The following TACC1 variants were observed in gnomAD, a reference collection of about 807,000 sequenced individuals.
TACC1 encodes transforming acidic coiled-coil containing protein 1.
Under a neutral mutation model 84.4 loss-of-function variants are expected in TACC1, and 48 were observed. The ratio of observed to expected loss-of-function variants is 0.57; its 90% CI spans 0.45 to 0.72. The LOEUF (loss-of-function observed/expected upper bound fraction) is 0.72, where lower values mean the gene tolerates loss of function less well. TACC1 is among the 30% of genes least tolerant of loss of function. The pLI is 0.00. For synonymous variants in TACC1, 372 were observed against 376.3 expected, an observed-to-expected ratio of 0.99 and a Z score of 0.13; for missense variants, 920 against 973.0, an observed-to-expected ratio of 0.95 and a Z score of 0.72.
At chr8:38,818,699 T>C (rs1825981248) in intron 2 of TACC1, among the ~76,000 whole-genome samples, 1 of 152,190 alleles carries the variant, frequency 6.6e-6, no homozygotes, top group African/African-American at 2.4e-5. Flanking sequence ...TACAGAGAGA[T>C]GATTCTGAGC....
chr8:38,815,067 TTTC>T (rs1213656827), intron 2 of TACC1, among the ~76,000 whole-genome samples: 4 of 152,226 alleles, frequency 2.6e-5, no homozygotes, highest in Non-Finnish European at 5.9e-5. Flanking sequence ...CTCCGGACCA[TTTC>T]TTGCTTGTCA....
At chr8:38,761,992 G>A (rs777527312) in intron 3 of TACC1, among the ~76,000 whole-genome samples, 21 of 152,116 alleles carry the variant, frequency 1.4e-4, no homozygotes, top group Non-Finnish European at 2.8e-4. Flanking sequence ...GCATGACAAG[G>A]GAATTATTTG....
intron 1 of TACC1, among the ~76,000 whole-genome samples, chr8:38,739,720 C>T (rs1240671961): frequency 6.6e-6 from 1 of 152,184 alleles, no homozygotes; most frequent in East Asian, 1.9e-4. Flanking sequence ...TCCACCATTA[C>T]AGTATCATAT....
In TACC1 at chr8:38,842,693, A is replaced by G. The variant is rs900981921; in HGVS notation, c.2121+246A>G. Reference sequence around the variant, plus strand: ...GCCATTCCTCTCCTGTGTCAAGCCAATAAGCCCCAGGCTGTGGCGTAGACT... The same window carrying G: ...GCCATTCCTCTCCTGTGTCAAGCCAGTAAGCCCCAGGCTGTGGCGTAGACT... On this transcript the variant is annotated intron_variant, in intron 10 of 12. Transcript: ENST00000317827. Among the ~76,000 whole-genome samples, 9 of 152,240 alleles carry G rather than the reference A, an allele frequency of 5.9e-5. No individual in the cohort carries two copies. Among genetic ancestry groups the G allele is most frequent in the Admixed American group, 2.0e-4 (3 of 15,290 alleles).
intron 9 of TACC1, among the ~76,000 whole-genome samples, chr8:38,840,838 T>C (rs937272718): frequency 1.3e-5 from 2 of 151,896 alleles, no homozygotes; most frequent in African/African-American, 2.4e-5. Flanking sequence ...TCACCTGAGG[T>C]TGAGAGTTCG....
rs149274666 is a variant in TACC1 at position 38,790,027 on chromosome 8, A to G, written c.277+1208A>G. 5.9e-5 allele frequency among the ~76,000 whole-genome samples: 9 copies of G among 152,384 alleles called. No individual in the cohort carries two copies. The East Asian group carries it at 1.7e-3, about 29-fold the overall frequency. ...ACAATAACAGAAATTATTCTCTCAC[A>G]GTCCTGGATAATTGAAATCAGAACC... On this transcript the variant is annotated intron_variant, in intron 2 of 12. Coordinates refer to ENST00000317827, the MANE Select transcript of TACC1 (RefSeq NM_006283.3).
upstream of TACC1, among the ~76,000 whole-genome samples, chr8:38,786,161 A>C (rs1243225285): frequency 6.6e-6 from 1 of 152,178 alleles, no homozygotes; most frequent in African/African-American, 2.4e-5. Flanking sequence ...TACCACCTGG[A>C]ACACCTTATC....
chr8:38,787,448 C>T lies in TACC1; in HGVS notation c.-135C>T. The T allele has an allele frequency of 7.2e-7, 1 of 1,383,402 alleles. No homozygotes were observed. The highest frequency in any genetic ancestry group is 3.1e-5 in the East Asian group (1 of 32,762). The allele number at this position is 1,383,402 out of a possible 1,614,324, so 85.7% of individuals were successfully genotyped here. On this transcript the variant is annotated 5_prime_UTR_variant, in exon 1 of 13. Coordinates refer to ENST00000317827, the MANE Select transcript of TACC1 (RefSeq NM_006283.3). ...CTCCACCAGGGCCCCCGACGGCACT[C>T]GTTTAACCACATCCGCGCCTCTGCT...
chr8:38,833,406 C>A (rs2152289038), intron 6 of TACC1, among the ~76,000 whole-genome samples: 1 of 152,312 alleles, frequency 6.6e-6, no homozygotes, highest in Middle Eastern at 3.4e-3. Flanking sequence ...TCCTAGGAGA[C>A]TGGAAAAGAT....
At chr8:38,807,376 A>G (rs1176189175) in intron 2 of TACC1, among the ~76,000 whole-genome samples, 1 of 152,204 alleles carries the variant, frequency 6.6e-6, no homozygotes, top group Non-Finnish European at 1.5e-5. Flanking sequence ...GTGAGAATAC[A>G]GGAGACTTGT....
intron 12 of TACC1, 94 bp from the exon 13 acceptor site, chr8:38,847,861 G>T: frequency 9.9e-7 from 1 of 1,010,990 alleles, no homozygotes; most frequent in Admixed American, 1.9e-5. Flanking sequence ...GGATGTCTAG[G>T]GTAGGGTAGA....
At chr8:38,740,516 T>A (rs558139067) in intron 1 of TACC1, among the ~76,000 whole-genome samples, 17 of 152,272 alleles carry the variant, frequency 1.1e-4, no homozygotes, top group African/African-American at 3.9e-4. Context: ...GGTTACAGTA[T>A]CCATAGCAAT....
intron 3 of TACC1, among the ~76,000 whole-genome samples, chr8:38,764,463 T>A (rs1400038248): frequency 1.3e-5 from 2 of 152,214 alleles, no homozygotes; most frequent in Non-Finnish European, 2.9e-5. Context: ...TGTTTTAATT[T>A]TTTAATTCAT....
At chr8:38,814,161 G>T (rs1169687885) in intron 2 of TACC1, among the ~76,000 whole-genome samples, 1 of 152,164 alleles carries the variant, frequency 6.6e-6, no homozygotes, top group Non-Finnish European at 1.5e-5. Flanking sequence ...AGGGTCTACT[G>T]CAGTATATCT....
rs1382498266 is a variant in TACC1, at chr8:38,787,421, C to G, written c.-162C>G. The G allele has an allele frequency of 3.0e-6, 4 of 1,347,910 alleles. No individual in the cohort carries two copies. The highest frequency in any genetic ancestry group is 4.0e-5 in the Admixed American group (1 of 25,150). 83.5% of individuals were successfully genotyped at this position (1,347,910 alleles called of 1,614,324 possible). A position where few individuals can be genotyped will look rare whatever the true frequency, so the allele number is the denominator to read the frequency against. ...AGCGCCGGCTGCCGGCGGGAGGAAG[C>G]GCTCCACCAGGGCCCCCGACGGCAC... On this transcript the variant is annotated 5_prime_UTR_variant, in exon 1 of 13. Coordinates refer to ENST00000317827, the MANE Select transcript of TACC1 (RefSeq NM_006283.3).
chr8:38,831,322 C>A, intron 6 of TACC1, 145 bp downstream of exon 6: 1 of 815,248 alleles, frequency 1.2e-6, no homozygotes, highest in Non-Finnish European at 2.0e-6. Context: ...TTGAGGAACA[C>A]ATAGTCTCTG....
At chr8:38,835,510 T>C (rs1053968487) in intron 6 of TACC1, among the ~76,000 whole-genome samples, 11 of 152,218 alleles carry the variant, frequency 7.2e-5, no homozygotes, top group Middle Eastern at 3.2e-3. Context: ...CCTTGACTTA[T>C]GTATGGCCAT....
At chr8:38,838,378 T>C in intron 7 of TACC1, 92 bp from the exon 8 acceptor site, 1 of 823,232 alleles carries the variant, frequency 1.2e-6, no homozygotes, top group East Asian at 2.5e-5. Flanking sequence ...ATTGAACATC[T>C]TGGGTTAGAC....
At chr8:38,812,168 G>A (rs1174078902) in intron 2 of TACC1, among the ~76,000 whole-genome samples, 1 of 152,170 alleles carries the variant, frequency 6.6e-6, no homozygotes, top group East Asian at 1.9e-4. Flanking sequence ...GACAATATGT[G>A]CATAGCTGAA....
Sources: allele counts gnomAD v4.1 joint callset (sites outside exome capture counted in the v4.1 genomes callset), GRCh38; gene constraint gnomAD v4.1.1; transcripts MANE v1.5; gene names NCBI Gene and HGNC (gene_info 2026-07-23, HGNC 2026-07-21).